Variants in EYA2 observed in about 807,000 individuals in gnomAD.
The protein encoded by EYA2 is protein phosphatase EYA2.
In EYA2, 31 loss-of-function variants were observed where a neutral mutation model predicts 69.2. That is an observed-to-expected ratio of 0.45 (90% CI 0.34 to 0.60). The LOEUF is 0.60. Among genes scored for constraint, EYA2 ranks in the 20% least tolerant of loss-of-function variants. The pLI, the probability that EYA2 is intolerant of heterozygous loss-of-function variation, is 0.02. For synonymous variants in EYA2, 257 were observed against 279.4 expected (o/e 0.92, Z 0.80); for missense variants, 622 against 701.2 (o/e 0.89, Z 1.28).
At chr20:46,962,324 G>A (rs1046428566) in intron 1 of EYA2, among the ~76,000 whole-genome samples, 4 of 152,190 alleles carry the variant, frequency 2.6e-5, no homozygotes, top group Non-Finnish European at 4.4e-5. Context: ...ACCGTGCCCA[G>A]TCAGAGCAGA....
intron 2 of EYA2, among the ~76,000 whole-genome samples, chr20:46,992,557 C>G (rs976536827): frequency 2.0e-5 from 3 of 152,154 alleles, no homozygotes; most frequent in Non-Finnish European, 2.9e-5. Context: ...CACTTGTAAA[C>G]CACTTCTAAC....
intron 10 of EYA2, among the ~76,000 whole-genome samples, chr20:47,153,396 T>A (rs2033861843): frequency 6.6e-6 from 1 of 151,780 alleles, no homozygotes; most frequent in African/African-American, 2.4e-5. Flanking sequence ...ATCCTAGCAC[T>A]TTTGGAGGCT....
At chr20:47,015,754 A>G (rs1331783075) in intron 4 of EYA2, among the ~76,000 whole-genome samples, 9 of 152,198 alleles carry the variant, frequency 5.9e-5, no homozygotes. Context: ...ACCAAAACAA[A>G]TCACAACTGC....
chr20:47,131,609 CAA>C (rs2033343974), intron 9 of EYA2, among the ~76,000 whole-genome samples: 1 of 152,030 alleles, frequency 6.6e-6, no homozygotes, highest in South Asian at 2.1e-4. Flanking sequence ...GGAGGGTGGT[CAA>C]AGTGGGCGGT....
intron 5 of EYA2, among the ~76,000 whole-genome samples, chr20:47,062,743 C>T (rs2030942103): frequency 6.6e-6 from 1 of 152,090 alleles, no homozygotes; most frequent in South Asian, 2.1e-4. Flanking sequence ...TGAATCTCAG[C>T]AGCCTGGTTA....
At chr20:47,180,035 A>C (rs2034507999) in intron 13 of EYA2, 123 bp downstream of exon 13, 10 of 680,596 alleles carry the variant, frequency 1.5e-5, no homozygotes, top group Non-Finnish European at 2.5e-5. Context: ...ACACTTTCCA[A>C]ATATTTTTTT....
At chr20:47,063,380 TGTGTGCGTGTGC>T (rs1279797687) in intron 5 of EYA2, among the ~76,000 whole-genome samples, 1 of 131,892 alleles carries the variant, frequency 7.6e-6, no homozygotes. Context: ...TATTTGTGTG[TGTGTGCGTGTGC>T]GTGTGTGTGT....
intron 1 of EYA2, among the ~76,000 whole-genome samples, chr20:46,963,689 C>T (rs922652966): frequency 1.3e-5 from 2 of 152,206 alleles, no homozygotes; most frequent in African/African-American, 2.4e-5. Flanking sequence ...AAAAACACCT[C>T]CCAAGGTGGT....
chr20:46,921,267 G>C (rs151291923), intron 1 of EYA2, among the ~76,000 whole-genome samples: 79 of 152,316 alleles, frequency 5.2e-4, no homozygotes, highest in African/African-American at 1.9e-3. Flanking sequence ...TGTTTCCTTG[G>C]GACTGGATTC....
rs552579509 is a variant in EYA2, at chr20:47,035,225, G to A, written c.415+18928G>A. 3.2e-4 allele frequency among the ~76,000 whole-genome samples: 48 copies of A among 152,274 alleles called. 1 individual carries two copies. In the South Asian group the frequency reaches 9.7e-3, roughly 31 times the overall value. ...GAAACCACCCTAGTGAAAGAGGTCGGTCAAGGATCCTGCTGCTCAGCTGGC... is the reference window on the plus strand; with the variant it reads ...GAAACCACCCTAGTGAAAGAGGTCGATCAAGGATCCTGCTGCTCAGCTGGC... On this transcript the variant is annotated intron_variant, in intron 5 of 15. Transcript: ENST00000327619.
intron 7 of EYA2, among the ~76,000 whole-genome samples, chr20:47,079,795 T>TA (rs34042014): frequency 2.1e-3 from 309 of 146,230 alleles, no homozygotes; most frequent in South Asian, 0.016. Context: ...TGTGATAGGT[T>TA]AAAAAAAAAA....
At chr20:47,165,258 A>T (rs2034158481) in intron 10 of EYA2, among the ~76,000 whole-genome samples, 1 of 152,052 alleles carries the variant, frequency 6.6e-6, no homozygotes, top group Admixed American at 6.5e-5. Flanking sequence ...TCTTGGGGAG[A>T]GGGGGTAGAT....
At chr20:47,006,653 T>C (rs919683758) in intron 4 of EYA2, among the ~76,000 whole-genome samples, 9 of 152,194 alleles carry the variant, frequency 5.9e-5, no homozygotes, top group Admixed American at 4.6e-4. Context: ...TCATTCAACA[T>C]TGAGTCATGT....
intron 1 of EYA2, among the ~76,000 whole-genome samples, chr20:46,899,318 G>T (rs745746465): frequency 6.6e-6 from 1 of 152,130 alleles, no homozygotes; most frequent in Non-Finnish European, 1.5e-5. Context: ...CTGCCCTGAC[G>T]TTTTTTGCCA....
At chr20:46,916,131 C>T (rs76560952) in intron 1 of EYA2, among the ~76,000 whole-genome samples, 3,163 of 152,228 alleles carry the variant, frequency 0.021, 125 homozygotes, top group African/African-American at 0.072. Context: ...CTGAGGTTAC[C>T]TTCCCCTTCT....
chr20:47,049,436 G>GT, intron 5 of EYA2, among the ~76,000 whole-genome samples: 1 of 152,302 alleles, frequency 6.6e-6, no homozygotes, highest in South Asian at 2.1e-4. Context: ...CTGGTGGGAG[G>GT]TGTTTGGATC....
intron 1 of EYA2, among the ~76,000 whole-genome samples, chr20:46,902,937 A>G (rs1306818261): frequency 3.9e-5 from 6 of 152,242 alleles, no homozygotes; most frequent in Admixed American, 3.9e-4. Context: ...TTGCAATATG[A>G]CAAGACAATC....
In EYA2 at chr20:47,146,617, A is replaced by T. The variant is rs77039657; in HGVS notation, c.978+3469A>T. On this transcript the variant is annotated intron_variant, in intron 10 of 15. Coordinates refer to ENST00000327619, the MANE Select transcript of EYA2 (RefSeq NM_005244.5). ...AGTTAAAATCCACACAAGTGAAAAC[A>T]TATTGTTTGTTGGTGCAAGGCAGTC... Among the ~76,000 whole-genome samples the T allele has an allele frequency of 6.9e-3, 1,057 of 152,344 alleles. 6 individuals carry two copies. The highest frequency in any genetic ancestry group is 0.011 in the Non-Finnish European group (719 of 68,026).
chr20:46,969,142 G>C (rs540597944), intron 1 of EYA2, among the ~76,000 whole-genome samples: 3 of 152,250 alleles, frequency 2.0e-5, no homozygotes, highest in African/African-American at 7.2e-5. Context: ...TTAGCTCTGG[G>C]AGTCAGAGGC....
Sources: allele counts gnomAD v4.1 joint callset (sites outside exome capture counted in the v4.1 genomes callset), GRCh38; gene constraint gnomAD v4.1.1; transcripts MANE v1.5; gene names NCBI Gene and HGNC (gene_info 2026-07-23, HGNC 2026-07-21).